TWF1: variants seen among roughly 807,000 people sequenced by gnomAD.
The protein encoded by TWF1 is twinfilin actin binding protein 1.
In TWF1, 14 loss-of-function variants were observed where a neutral mutation model predicts 47.9. That is an observed-to-expected ratio of 0.29 (90% CI 0.19 to 0.46). TWF1 has a LOEUF of 0.46. TWF1 is among the 20% of genes least tolerant of loss of function. The pLI is 1.00. For missense variants in TWF1, 281 were observed against 409.3 expected (o/e 0.69, Z 2.70); for synonymous variants, 96 against 139.2 (o/e 0.69, Z 2.18).
rs771829829 is a variant in TWF1 at position 43,806,112 on chromosome 12, A to G, written c.25+109T>C. The G allele has an allele frequency of 2.3e-4, 346 of 1,523,650 alleles. 1 individual carries two copies. The East Asian group carries it at 7.9e-3, about 35-fold the overall frequency. The allele number at this position is 1,523,650 out of a possible 1,614,324, so 94.4% of individuals were successfully genotyped here. A position where few individuals can be genotyped will look rare whatever the true frequency, so the allele number is the denominator to read the frequency against. ...AGGCCCGGCTCGCCCCGCGAGACCG[A>G]CTTCCGGAGCTCCCGGCCCGACTCC... On this transcript the variant is annotated intron_variant, in intron 1 of 8. Transcript: ENST00000395510.
At chr12:43,796,896 A>C in intron 8 of TWF1, 80 bp downstream of exon 8, 1 of 1,380,724 alleles carries the variant, frequency 7.2e-7, no homozygotes, top group Non-Finnish European at 1.0e-6. Flanking sequence ...TTCATTTATA[A>C]ATCACAGTAC....
rs1156567757 is a variant in TWF1, at chr12:43,806,275, G to A, written c.-30C>T. Reference sequence around the variant, plus strand: ...GCGGCCGCTAGCTCCCGGCTCCGGCGCTGAGTGCAGCCAGCGGCCCCGGCC... The same window carrying A: ...GCGGCCGCTAGCTCCCGGCTCCGGCACTGAGTGCAGCCAGCGGCCCCGGCC... On this transcript the variant is annotated 5_prime_UTR_variant, in exon 1 of 9. Coordinates refer to ENST00000395510, the MANE Select transcript of TWF1 (RefSeq NM_002822.5). 1.3e-6 allele frequency: 2 copies of A among 1,511,620 alleles called. No homozygotes were observed. The highest frequency in any genetic ancestry group is 2.7e-5 in the East Asian group (1 of 36,756). The allele number at this position is 1,511,620 out of a possible 1,614,324, so 93.6% of individuals were successfully genotyped here.
chr12:43,798,651 C>A, intron 5 of TWF1: 1 of 1,435,936 alleles, frequency 7.0e-7, no homozygotes, highest in Non-Finnish European at 9.3e-7. Context: ...ATAAAAAGCC[C>A]TACTCAAATA....
chr12:43,804,130 TAATTG>T, intron 2 of TWF1: 1 of 350,930 alleles, frequency 2.8e-6, no homozygotes, highest in Non-Finnish European at 5.8e-6. Flanking sequence ...AAAACAAACT[TAATTG>T]AATAATTCAC....
chr12:43,797,252 C>T (rs1287148104), intron 7 of TWF1, 50 bp downstream of exon 7: 3 of 1,521,096 alleles, frequency 2.0e-6, no homozygotes, highest in Non-Finnish European at 2.7e-6. Flanking sequence ...AGGGCTGATA[C>T]ACCAATAAAC....
At chr12:43,798,355 T>G (rs1321079570) in intron 5 of TWF1, among the ~76,000 whole-genome samples, 6 of 152,208 alleles carry the variant, frequency 3.9e-5, no homozygotes, top group Middle Eastern at 6.8e-3. Context: ...ATGGTGTGCA[T>G]GTACTGGAAG....
intron 5 of TWF1, among the ~76,000 whole-genome samples, chr12:43,798,133 CACT>C (rs1299608436): frequency 2.0e-5 from 3 of 152,104 alleles, no homozygotes; most frequent in East Asian, 1.9e-4. Context: ...CAGATTACAC[CACT>C]GATTGTAAAA....
intron 5 of TWF1, chr12:43,798,571 A>G (rs1342522816): frequency 3.9e-6 from 6 of 1,527,232 alleles, no homozygotes; most frequent in East Asian, 2.5e-5. Flanking sequence ...ATACCCCAAT[A>G]TGATCCTCTG....
At chr12:43,804,463 G>T in intron 2 of TWF1, 32 bp downstream of exon 2, 1 of 1,378,710 alleles carries the variant, frequency 7.3e-7, no homozygotes, top group South Asian at 1.2e-5. Flanking sequence ...ACTAATCCAG[G>T]AACAGAAAAT....
chr12:43,795,836 C>T, intron 8 of TWF1, 81 bp from the exon 9 acceptor site: 1 of 1,369,070 alleles, frequency 7.3e-7, no homozygotes, highest in Non-Finnish European at 1.0e-6. Flanking sequence ...TGAATGCTCA[C>T]AAATAATACC....
chr12:43,795,389 C>A lies in TWF1; in HGVS notation c.*196G>T, dbSNP rs1023481675. 2 of 528,230 alleles carry A rather than the reference C, an allele frequency of 3.8e-6. No homozygotes were observed. The highest frequency in any genetic ancestry group is 6.7e-6 in the Non-Finnish European group (2 of 296,874). The allele number at this position is 528,230 out of a possible 1,614,324, so 32.7% of individuals were successfully genotyped here. On this transcript the variant is annotated 3_prime_UTR_variant, in exon 9 of 9. Coordinates refer to ENST00000395510, the MANE Select transcript of TWF1 (RefSeq NM_002822.5). ...ATTAAACATTATGTTGAACCCTTTT[C>A]TAGCTTTAACTCAAAAATAGAAATC...
At chr12:43,803,378 C>T (rs1254757465) in intron 2 of TWF1, among the ~76,000 whole-genome samples, 2 of 152,036 alleles carry the variant, frequency 1.3e-5, no homozygotes, top group African/African-American at 4.8e-5. Context: ...AAAGGGGATG[C>T]TCTTATACCA....
intron 3 of TWF1, among the ~76,000 whole-genome samples, chr12:43,801,842 C>G (rs1281227933): frequency 6.6e-6 from 1 of 152,044 alleles, no homozygotes; most frequent in Non-Finnish European, 1.5e-5. Flanking sequence ...CCAGCCTGGG[C>G]AACACAGTGA....
chr12:43,804,933 A>C (rs1428722882), intron 1 of TWF1, among the ~76,000 whole-genome samples: 1 of 152,174 alleles, frequency 6.6e-6, no homozygotes, highest in Non-Finnish European at 1.5e-5. Flanking sequence ...TTCATTCTCT[A>C]ATTCAGTTTC....
chr12:43,802,250 AT>A, intron 3 of TWF1, 35 bp downstream of exon 3: 1 of 1,395,448 alleles, frequency 7.2e-7, no homozygotes, highest in South Asian at 1.5e-5. Context: ...TTTTTCTAGC[AT>A]TTAATGTTAA....
At chr12:43,797,664 T>C (rs1458842896) in intron 6 of TWF1, 44 bp downstream of exon 6, 1 of 1,595,462 alleles carries the variant, frequency 6.3e-7, no homozygotes, top group Non-Finnish European at 8.5e-7. Flanking sequence ...AGTCATAAAC[T>C]ACCAAAAAGA....
At chr12:43,806,090 C>A (rs754924303) in intron 1 of TWF1, 131 bp downstream of exon 1, 3 of 1,519,290 alleles carry the variant, frequency 2.0e-6, no homozygotes, top group Non-Finnish European at 2.6e-6. Context: ...GGCGCCGAGG[C>A]CCGGCTCGCC....
chr12:43,797,815 C>A lies in TWF1; in HGVS notation c.502G>T (p.Val168Leu). 6.2e-7 allele frequency: 1 copy of A among 1,613,280 alleles called. No homozygotes were observed. Among genetic ancestry groups the A allele is most frequent in the Non-Finnish European group, 8.5e-7 (1 of 1,179,428 alleles). Reference sequence around the variant, plus strand: ...TGTAGTGTTTGATGCTTAGTGTCCACACCCACGTCAGTCTGTACCTAAGTA... The same window carrying A: ...TGTAGTGTTTGATGCTTAGTGTCCAAACCCACGTCAGTCTGTACCTAAGTA... ...KINEVQTDVG[V>L]DTKHQTLQGV... Residue 168 changes from valine to leucine, a missense_variant, in exon 6 of 9, where the codon GTG becomes TTG. Transcript: ENST00000395510.
intron 8 of TWF1, among the ~76,000 whole-genome samples, chr12:43,796,285 G>C (rs1022950485): frequency 2.1e-4 from 32 of 152,106 alleles, no homozygotes; most frequent in African/African-American, 7.7e-4. Flanking sequence ...TGCTATAGAA[G>C]GTGCTACCCA....
Sources: allele counts gnomAD v4.1 joint callset (sites outside exome capture counted in the v4.1 genomes callset), GRCh38; gene constraint gnomAD v4.1.1; transcripts MANE v1.5; gene names NCBI Gene and HGNC (gene_info 2026-07-23, HGNC 2026-07-21).